ANXA8: variants seen among roughly 807,000 people sequenced by gnomAD.
ANXA8 encodes annexin A8.
ANXA8 carries 9 observed loss-of-function variants against 26.8 expected under a neutral mutation model. The observed-to-expected ratio is 0.34, with a 90% confidence interval of 0.20 to 0.59. The LOEUF (loss-of-function observed/expected upper bound fraction) is 0.59. Ranked by LOEUF, ANXA8 falls within the 20% of genes least tolerant of loss-of-function variation. The pLI is 0.84. For missense variants in ANXA8, 83 were observed against 238.5 expected (o/e 0.35, Z 4.29); for synonymous variants, 39 against 94.8 (o/e 0.41, Z 3.42).
At chr10:47,943,932 G>A in the ANXA8 span, among the ~76,000 whole-genome samples, 1 of 147,778 alleles carries the variant, frequency 6.8e-6, no homozygotes, top group African/African-American at 2.6e-5. Context: ...GGCAAGGAGT[G>A]GAGGCCTCCC....
the ANXA8 span, among the ~76,000 whole-genome samples, chr10:47,703,213 G>A: frequency 6.6e-6 from 1 of 151,756 alleles, no homozygotes; most frequent in Non-Finnish European, 1.5e-5. Context: ...CAGAGGGGAA[G>A]AGAGAGCTCT....
the ANXA8 span, among the ~76,000 whole-genome samples, chr10:47,745,012 G>T: frequency 7.2e-5 from 11 of 151,804 alleles, no homozygotes; most frequent in African/African-American, 2.7e-4. Flanking sequence ...CCCAAGCCTG[G>T]CCCAGGCTTG....
chr10:47,986,051 T>C, the ANXA8 span: 1 of 151,426 alleles, frequency 6.6e-6, no homozygotes, highest in African/African-American at 2.4e-5. Context: ...TCTATTTTCA[T>C]CTTTTCAGAA....
chr10:47,669,815 C>G, the ANXA8 span, among the ~76,000 whole-genome samples: 1 of 152,000 alleles, frequency 6.6e-6, no homozygotes. Context: ...TTCTCTTTAC[C>G]CAGAACTTAT....
At chr10:47,881,696 CGT>C in the ANXA8 span, among the ~76,000 whole-genome samples, 2 of 64,870 alleles carry the variant, frequency 3.1e-5, no homozygotes, top group African/African-American at 6.6e-5. Context: ...TGTGAGCATG[CGT>C]GTGTGTGTGT....
the ANXA8 span, among the ~76,000 whole-genome samples, chr10:47,572,676 C>T: frequency 2.1e-5 from 3 of 139,758 alleles, no homozygotes; most frequent in East Asian, 2.1e-4. Flanking sequence ...GACGTCATGC[C>T]GTTGTACTCC....
the ANXA8 span, among the ~76,000 whole-genome samples, chr10:47,957,855 A>G: frequency 2.0e-5 from 3 of 149,352 alleles, no homozygotes; most frequent in South Asian, 2.1e-4. Context: ...TGAGTACTCA[A>G]ACTTATATCT....
At chr10:47,515,912 C>T in the ANXA8 span, among the ~76,000 whole-genome samples, 2 of 115,006 alleles carry the variant, frequency 1.7e-5, no homozygotes, top group African/African-American at 3.3e-5. Context: ...GGGACCACCA[C>T]ACATTGGAGG....
At chr10:47,645,503 A>AAAAGAAAGAGAAAGAGAAAGACAAAG in the ANXA8 span, among the ~76,000 whole-genome samples, 1 of 149,680 alleles carries the variant, frequency 6.7e-6, no homozygotes, top group Non-Finnish European at 1.5e-5. Flanking sequence ...GTTAAAAATA[A>AAAAGAAAGAGAAAGAGAAAGACAAAG]AAAGAAAGAG....
the ANXA8 span, among the ~76,000 whole-genome samples, chr10:47,687,931 C>G: frequency 0.038 from 5,706 of 150,794 alleles, 51 homozygotes; most frequent in African/African-American, 0.049. Context: ...GACACCCCAT[C>G]TCTACTAAAA....
chr10:47,580,991 T>G, the ANXA8 span, among the ~76,000 whole-genome samples: 1 of 149,964 alleles, frequency 6.7e-6, no homozygotes, highest in African/African-American at 2.5e-5. Flanking sequence ...CAGGATAATC[T>G]CTTGAATCTG....
chr10:47,665,130 C>A, the ANXA8 span, among the ~76,000 whole-genome samples: 2 of 148,860 alleles, frequency 1.3e-5, no homozygotes, highest in Admixed American at 6.6e-5. Flanking sequence ...CAGTTGATAA[C>A]CTTCTGTACT....
chr10:47,693,698 A>C, the ANXA8 span, among the ~76,000 whole-genome samples: 3 of 151,812 alleles, frequency 2.0e-5, no homozygotes, highest in Non-Finnish European at 2.9e-5. Flanking sequence ...TGATTATATT[A>C]TTGGAGGTTC....
chr10:47,484,075 C>A lies in ANXA8; in HGVS notation c.-142G>T, dbSNP rs1170536734. 4 of 1,603,656 alleles carry A rather than the reference C, an allele frequency of 2.5e-6. No individual in the cohort carries two copies. The African/African-American group carries it at 5.4e-5, about 22-fold the overall frequency. ...TGTGGGGGTGCAAGCCCGCCCAGGG[C>A]AGCGCCACACCTGCCTGCCGTCCCC... On this transcript the variant is annotated 5_prime_UTR_variant, in exon 1 of 12. Transcript: ENST00000585281.
the ANXA8 span, among the ~76,000 whole-genome samples, chr10:47,947,431 G>A: frequency 6.9e-6 from 1 of 144,156 alleles, no homozygotes; most frequent in African/African-American, 2.7e-5. Flanking sequence ...TTTGAGAGGA[G>A]GGAGTAATGT....
At chr10:47,690,152 T>G in the ANXA8 span, 1 of 1,144,200 alleles carries the variant, frequency 8.7e-7, no homozygotes, top group Non-Finnish European at 1.3e-6. Flanking sequence ...AAATTAGAGA[T>G]GAACAGCCTA....
the ANXA8 span, chr10:47,986,579 C>G: frequency 8.4e-6 from 3 of 356,152 alleles, no homozygotes; most frequent in African/African-American, 6.5e-5. Context: ...CAGTGACCCA[C>G]AGGGGCCAGT....
the ANXA8 span, among the ~76,000 whole-genome samples, chr10:47,750,623 T>G: frequency 3.3e-5 from 3 of 91,608 alleles, no homozygotes; most frequent in East Asian, 3.5e-4. Flanking sequence ...ATTTTTGTGG[T>G]TTTTGTAGAG....
At chr10:47,650,259 C>T in the ANXA8 span, among the ~76,000 whole-genome samples, 4 of 146,276 alleles carry the variant, frequency 2.7e-5, no homozygotes, top group Non-Finnish European at 6.0e-5. Flanking sequence ...GTTGCCTAGA[C>T]TGGTCTTGAA....
Sources: gnomAD v4.1 joint callset for allele counts (sites outside exome capture counted in the v4.1 genomes callset) on GRCh38, gnomAD v4.1.1 for gene constraint, MANE v1.5 for transcripts, NCBI Gene and HGNC (gene_info 2026-07-23, HGNC 2026-07-21) for gene names.